Variants in TTLL1 observed in about 807,000 individuals in gnomAD.
The protein encoded by TTLL1 is TTL family tubulin polyglutamylase complex subunit L1.
A neutral mutation model predicts 47.8 loss-of-function variants in TTLL1; 33 were observed. The observed-to-expected ratio is 0.69, with a 90% CI of 0.52 to 0.92. The LOEUF is 0.92. Ranked by LOEUF, TTLL1 falls within the 40% of genes least tolerant of loss-of-function variation. The pLI is 0.00. For missense variants in TTLL1, 488 were observed against 547.5 expected (o/e 0.89, Z 1.08); for synonymous variants, 225 against 214.1 (o/e 1.05, Z -0.45).
chr22:43,074,497 C>T (rs1314337801), intron 3 of TTLL1, among the ~76,000 whole-genome samples: 1 of 149,302 alleles, frequency 6.7e-6, no homozygotes, highest in East Asian at 2.0e-4. Flanking sequence ...AAGACTATTA[C>T]ACTGTTTAGC....
chr22:43,083,443 CA>C (rs1929029086), intron 1 of TTLL1, among the ~76,000 whole-genome samples: 2 of 152,098 alleles, frequency 1.3e-5, no homozygotes, highest in African/African-American at 4.8e-5. Flanking sequence ...CTAAAACAAA[CA>C]TAGGCTGGCC....
chr22:43,055,934 G>A (rs529667858), intron 8 of TTLL1, among the ~76,000 whole-genome samples: 1 of 150,768 alleles, frequency 6.6e-6, no homozygotes, highest in East Asian at 2.0e-4. Context: ...TGTGGAGAAG[G>A]AGGTCTCGCT....
chr22:43,080,144 T>G (rs1251127038), intron 1 of TTLL1, among the ~76,000 whole-genome samples, 158 bp from the exon 2 acceptor site: 1 of 151,898 alleles, frequency 6.6e-6, no homozygotes, highest in Non-Finnish European at 1.5e-5. Context: ...AATCTCTGCC[T>G]CCCGGGTTCA....
At chr22:43,086,309 A>T (rs1929225519) in intron 1 of TTLL1, among the ~76,000 whole-genome samples, 2 of 152,186 alleles carry the variant, frequency 1.3e-5, no homozygotes, top group South Asian at 4.1e-4. Context: ...TCACAATTGG[A>T]GTTGGGGCTG....
chr22:43,053,233 G>T (rs1326998156), intron 8 of TTLL1, among the ~76,000 whole-genome samples: 1 of 152,262 alleles, frequency 6.6e-6, no homozygotes, highest in Admixed American at 6.5e-5. Flanking sequence ...TAGAGACGGG[G>T]TAGGGAGGTC....
intron 5 of TTLL1, among the ~76,000 whole-genome samples, chr22:43,067,037 T>G (rs1033506265): frequency 6.6e-6 from 1 of 151,330 alleles, no homozygotes; most frequent in African/African-American, 2.4e-5. Context: ...AGGTGTCTCC[T>G]GTCACCCTGG....
chr22:43,077,844 C>T (rs1235501920), intron 2 of TTLL1, among the ~76,000 whole-genome samples: 1 of 152,186 alleles, frequency 6.6e-6, no homozygotes, highest in African/African-American at 2.4e-5. Context: ...CGGTGGCTCA[C>T]GCCTATAATC....
intron 9 of TTLL1, among the ~76,000 whole-genome samples, chr22:43,047,160 G>A (rs1926208695): frequency 6.6e-6 from 1 of 152,158 alleles, no homozygotes; most frequent in South Asian, 2.1e-4. Context: ...CGTTATCAGT[G>A]CCTACCTGTG....
intron 8 of TTLL1, among the ~76,000 whole-genome samples, 176 bp downstream of exon 8, chr22:43,059,208 A>T (rs1601674560): frequency 6.9e-6 from 1 of 145,288 alleles, no homozygotes. Flanking sequence ...GGGCCAGGCT[A>T]GTCTCAAACT....
At chr22:43,085,893 C>T (rs1027284665) in intron 1 of TTLL1, among the ~76,000 whole-genome samples, 34 of 152,098 alleles carry the variant, frequency 2.2e-4, no homozygotes, top group Non-Finnish European at 2.9e-5. Flanking sequence ...TGGGCTGGCT[C>T]AGGAGCGGGC....
chr22:43,040,137 G>A, intron 10 of TTLL1: 1 of 509,398 alleles, frequency 2.0e-6, no homozygotes, highest in Non-Finnish European at 3.6e-6. Context: ...CTGCCTATGT[G>A]TACAACCTTG....
chr22:43,072,742 G>C (rs776976092), intron 3 of TTLL1, among the ~76,000 whole-genome samples: 50 of 152,172 alleles, frequency 3.3e-4, no homozygotes, highest in Admixed American at 1.1e-3. Context: ...AAAAGGCTGG[G>C]ATTACAGGCA....
chr22:43,073,602 C>T (rs925251091), intron 3 of TTLL1, among the ~76,000 whole-genome samples: 2 of 151,710 alleles, frequency 1.3e-5, no homozygotes, highest in Admixed American at 6.6e-5. Context: ...GTGATGCACC[C>T]GCCTTGGCCT....
chr22:43,059,579 A>G (rs1238164326), intron 7 of TTLL1, 52 bp from the exon 8 acceptor site: 10 of 1,549,572 alleles, frequency 6.5e-6, no homozygotes, highest in Non-Finnish European at 8.7e-6. Flanking sequence ...CCCCAGAGGA[A>G]CCCAGCGGAA....
chr22:43,053,059 T>C (rs1926752281), intron 8 of TTLL1, among the ~76,000 whole-genome samples: 2 of 151,916 alleles, frequency 1.3e-5, no homozygotes, highest in South Asian at 4.1e-4. Flanking sequence ...AAACTCTGTC[T>C]CAAAAAACAA....
At chr22:43,060,482 G>T (rs1245045759) in intron 7 of TTLL1, among the ~76,000 whole-genome samples, 2 of 139,262 alleles carry the variant, frequency 1.4e-5, no homozygotes, top group Admixed American at 7.6e-5. Context: ...TCTTTCCTGG[G>T]GAAGCCAACC....
chr22:43,057,731 G>A (rs1052692891), intron 8 of TTLL1, among the ~76,000 whole-genome samples: 3 of 143,952 alleles, frequency 2.1e-5, no homozygotes, highest in African/African-American at 5.0e-5. Context: ...AAACTGACAG[G>A]AGAGACTGGG....
intron 3 of TTLL1, among the ~76,000 whole-genome samples, chr22:43,071,491 CCT>C (rs1569439750): frequency 6.6e-6 from 1 of 152,086 alleles, no homozygotes; most frequent in African/African-American, 2.4e-5. Context: ...CTCACTGCAA[CCT>C]CTGCCTCGCA....
chr22:43,084,280 A>G (rs1404389856), intron 1 of TTLL1, among the ~76,000 whole-genome samples: 1 of 151,336 alleles, frequency 6.6e-6, no homozygotes, highest in African/African-American at 2.4e-5. Flanking sequence ...CCTCCTGAGT[A>G]GCTGGGATTA....
Sources: allele counts gnomAD v4.1 joint callset (sites outside exome capture counted in the v4.1 genomes callset), GRCh38; gene constraint gnomAD v4.1.1; transcripts MANE v1.5; gene names NCBI Gene and HGNC (gene_info 2026-07-23, HGNC 2026-07-21).